The following SPDYA variants were observed in gnomAD, a reference collection of about 807,000 sequenced individuals.
SPDYA encodes speedy/RINGO cell cycle regulator family member A.
In SPDYA, 11 loss-of-function variants were observed where a neutral mutation model predicts 36.7. That is an observed-to-expected ratio of 0.30 (90% confidence interval 0.19 to 0.50). The LOEUF (loss-of-function observed/expected upper bound fraction) is 0.50, where lower values mean the gene tolerates loss of function less well. Ranked by LOEUF, SPDYA falls within the 20% of genes least tolerant of loss-of-function variation. The probability of loss-of-function intolerance (pLI) is 0.98; values close to 1 mark genes in which losing one functional copy is unlikely to be tolerated. For synonymous variants in SPDYA, 115 were observed against 118.7 expected (o/e 0.97, Z 0.20); for missense variants, 287 against 370.9 (o/e 0.77, Z 1.86).
At chr2:28,816,436 GT>G (rs1667985431) in intron 3 of SPDYA, among the ~76,000 whole-genome samples, 187 bp downstream of exon 3, 1 of 149,698 alleles carries the variant, frequency 6.7e-6, no homozygotes, top group Admixed American at 6.7e-5. Flanking sequence ...TGTTTGTTTT[GT>G]TTCCTTATGG....
intron 5 of SPDYA, among the ~76,000 whole-genome samples, chr2:28,828,742 G>A (rs1057246610): frequency 6.6e-6 from 1 of 152,220 alleles, no homozygotes; most frequent in African/African-American, 2.4e-5. Flanking sequence ...GCTGCAAATA[G>A]TGGCTGTTCC....
At chr2:28,815,849 T>G (rs1239374140) in intron 2 of SPDYA, 148 bp from the exon 3 acceptor site, 3 of 551,004 alleles carry the variant, frequency 5.4e-6, no homozygotes, top group Non-Finnish European at 9.2e-6. Context: ...TCAAAAGCAA[T>G]TTTTAATGGG....
At chr2:28,835,527 A>G (rs1294471059) in intron 6 of SPDYA, among the ~76,000 whole-genome samples, 1 of 152,196 alleles carries the variant, frequency 6.6e-6, no homozygotes, top group Non-Finnish European at 1.5e-5. Context: ...ATGAGCGCCC[A>G]GCCTTATTTT....
At chr2:28,840,144 A>G in intron 6 of SPDYA, 28 bp from the exon 7 acceptor site, 1 of 1,586,722 alleles carries the variant, frequency 6.3e-7, no homozygotes. Flanking sequence ...ATATTACTAA[A>G]ATTCTAAAAG....
At chr2:28,845,494 C>G (rs1668850464) in intron 7 of SPDYA, among the ~76,000 whole-genome samples, 1 of 152,132 alleles carries the variant, frequency 6.6e-6, no homozygotes, top group Middle Eastern at 3.2e-3. Context: ...AATTTTCTCT[C>G]TGCATCCAAT....
chr2:28,850,283 T>C lies in SPDYA; in HGVS notation c.*342T>C. Reference sequence around the variant, plus strand: ...AAAAACATAAAGTCATTATATTAATTAAAAGAAAAAACACCATTTAATATG... The same window carrying C: ...AAAAACATAAAGTCATTATATTAATCAAAAGAAAAAACACCATTTAATATG... On this transcript the variant is annotated 3_prime_UTR_variant, in exon 8 of 8. Coordinates refer to ENST00000334056, the MANE Select transcript of SPDYA (RefSeq NM_182756.4). 1 of 1,602,534 alleles carries C rather than the reference T, an allele frequency of 6.2e-7. No homozygotes were observed. Among genetic ancestry groups the C allele is most frequent in the Non-Finnish European group, 8.5e-7 (1 of 1,172,790 alleles).
At chr2:28,846,591 G>A (rs1013378849) in intron 7 of SPDYA, among the ~76,000 whole-genome samples, 1 of 152,080 alleles carries the variant, frequency 6.6e-6, no homozygotes, top group Non-Finnish European at 1.5e-5. Flanking sequence ...ACATTAGAAG[G>A]TATCTGTCCC....
intron 7 of SPDYA, among the ~76,000 whole-genome samples, chr2:28,849,103 G>C (rs1378953926): frequency 6.6e-6 from 1 of 151,300 alleles, no homozygotes; most frequent in African/African-American, 2.4e-5. Flanking sequence ...TTTAAACAGA[G>C]ACCTAATCAT....
intron 6 of SPDYA, among the ~76,000 whole-genome samples, chr2:28,834,112 A>ACG (rs1236072396): frequency 3.3e-5 from 5 of 151,914 alleles, no homozygotes; most frequent in Non-Finnish European, 5.9e-5. Flanking sequence ...ACACACACAC[A>ACG]CACTTGAAAA....
intron 3 of SPDYA, 90 bp from the exon 4 acceptor site, chr2:28,818,958 A>G: frequency 2.0e-6 from 2 of 1,001,542 alleles, no homozygotes; most frequent in Non-Finnish European, 3.0e-6. Flanking sequence ...ATTTCTAAGC[A>G]CCATGTATAA....
chr2:28,846,773 A>ACACACACACACACACACACAC (rs1668888767), intron 7 of SPDYA, among the ~76,000 whole-genome samples: 1 of 142,948 alleles, frequency 7.0e-6, no homozygotes, highest in African/African-American at 2.6e-5. Flanking sequence ...ACACACACAC[A>ACACACACACACACACACACAC]AAGGGAAGTG....
intron 6 of SPDYA, among the ~76,000 whole-genome samples, chr2:28,833,516 A>G (rs1174642311): frequency 6.6e-6 from 1 of 152,190 alleles, no homozygotes; most frequent in Non-Finnish European, 1.5e-5. Context: ...CACCTTATAT[A>G]GAGTAGTATC....
At chr2:28,815,892 G>A (rs1667971136) in intron 2 of SPDYA, 105 bp from the exon 3 acceptor site, 2 of 725,780 alleles carry the variant, frequency 2.8e-6, no homozygotes, top group Admixed American at 3.3e-5. Flanking sequence ...TTAATGGCAA[G>A]TTTAGTAACA....
intron 5 of SPDYA, among the ~76,000 whole-genome samples, chr2:28,827,719 TTTAA>T (rs1488803380): frequency 6.6e-6 from 1 of 152,154 alleles, no homozygotes; most frequent in Non-Finnish European, 1.5e-5. Context: ...TGTTCACTGG[TTTAA>T]TTTTCTTCAT....
intron 3 of SPDYA, among the ~76,000 whole-genome samples, chr2:28,816,911 G>T (rs1346336426): frequency 6.6e-6 from 1 of 151,892 alleles, no homozygotes; most frequent in East Asian, 1.9e-4. Flanking sequence ...TAGAAAAAGG[G>T]GTAGGATAGA....
At chr2:28,845,096 T>C (rs1668837462) in intron 7 of SPDYA, among the ~76,000 whole-genome samples, 1 of 151,938 alleles carries the variant, frequency 6.6e-6, no homozygotes, top group Non-Finnish European at 1.5e-5. Context: ...AATGCTTTTT[T>C]CCCCCACCAG....
intron 7 of SPDYA, among the ~76,000 whole-genome samples, chr2:28,842,616 A>T (rs1037046843): frequency 3.9e-5 from 6 of 152,232 alleles, no homozygotes; most frequent in African/African-American, 1.4e-4. Context: ...TAGGTCCTAT[A>T]CAGGAAGGAA....
chr2:28,827,991 CT>C (rs1011272588), intron 5 of SPDYA, among the ~76,000 whole-genome samples: 8 of 150,830 alleles, frequency 5.3e-5, no homozygotes, highest in Non-Finnish European at 1.2e-4. Context: ...TTTCTTTTTT[CT>C]TTTTTCTTTT....
At chr2:28,823,702 A>AGTATAT (rs1668229674) in intron 5 of SPDYA, among the ~76,000 whole-genome samples, 1 of 49,228 alleles carries the variant, frequency 2.0e-5, no homozygotes, top group Non-Finnish European at 3.7e-5. Context: ...GGAATGCATG[A>AGTATAT]ATATATATAT....
Sources: gnomAD v4.1 joint callset for allele counts (sites outside exome capture counted in the v4.1 genomes callset) on GRCh38, gnomAD v4.1.1 for gene constraint, MANE v1.5 for transcripts, NCBI Gene and HGNC (gene_info 2026-07-23, HGNC 2026-07-21) for gene names.